CDH12: variants seen among roughly 807,000 people sequenced by gnomAD.
CDH12 encodes cadherin 12.
In CDH12, 41 loss-of-function variants were observed where a neutral mutation model predicts 74.1. That is an observed-to-expected ratio of 0.55 (90% CI 0.43 to 0.72). The LOEUF (loss-of-function observed/expected upper bound fraction) is 0.72, where lower values mean the gene tolerates loss of function less well. Among genes scored for constraint, CDH12 ranks in the 30% least tolerant of loss-of-function variants. The pLI is 0.00. For synonymous variants in CDH12, 399 were observed against 355.0 expected (o/e 1.12, Z -1.39); for missense variants, 945 against 977.2 (o/e 0.97, Z 0.44).
At chr5:22,448,588 G>A (rs1251973584) in intron 2 of CDH12, among the ~76,000 whole-genome samples, 1 of 152,034 alleles carries the variant, frequency 6.6e-6, no homozygotes, top group Non-Finnish European at 1.5e-5. Flanking sequence ...TTCCCTGAAT[G>A]CTTACACTAA....
chr5:21,921,242 A>T lies in CDH12; in HGVS notation c.526+53849T>A, dbSNP rs114675833. On this transcript the variant is annotated intron_variant, in intron 6 of 14. Coordinates refer to ENST00000382254, the MANE Select transcript of CDH12 (RefSeq NM_004061.5). ...ATGGCTATGAGTGGCATGATCCTAA[A>T]TTTTTTTAAGCCTTAAAATCATAAA... is the stretch of plus-strand genomic sequence containing the variant. Among the ~76,000 whole-genome samples, 805 of 152,204 alleles carry T rather than the reference A, an allele frequency of 5.3e-3. 8 individuals are homozygous for T. The highest frequency in any genetic ancestry group is 0.018 in the African/African-American group (760 of 41,536).
At chr5:22,836,217 C>T (rs56352225) in intron 1 of CDH12, among the ~76,000 whole-genome samples, 237 of 20,264 alleles carry the variant, frequency 0.012, no homozygotes, top group Non-Finnish European at 0.016. Context: ...TTTTTTCTTT[C>T]TTTCTCTTTT....
At chr5:22,045,666 T>C (rs1448395832) in intron 5 of CDH12, among the ~76,000 whole-genome samples, 1 of 150,790 alleles carries the variant, frequency 6.6e-6, no homozygotes, top group African/African-American at 2.4e-5. Context: ...TGGAGGGCAT[T>C]ATGTTAGGTG....
intron 3 of CDH12, among the ~76,000 whole-genome samples, chr5:22,267,158 T>C (rs1430865562): frequency 1.3e-5 from 2 of 152,172 alleles, no homozygotes; most frequent in African/African-American, 4.8e-5. Context: ...TATTAATGCA[T>C]GATTATCGTA....
intron 1 of CDH12, among the ~76,000 whole-genome samples, chr5:22,726,841 T>C (rs968343862): frequency 6.6e-6 from 1 of 151,766 alleles, no homozygotes; most frequent in Non-Finnish European, 1.5e-5. Flanking sequence ...ACAGGACCTA[T>C]AGTGATTGCT....
rs530683795 is a variant in CDH12 at position 22,523,560 on chromosome 5, G to A, written c.-522-18196C>T. 2.0e-4 allele frequency among the ~76,000 whole-genome samples: 30 copies of A among 152,222 alleles called. No individual in the cohort carries two copies. The South Asian group carries it at 4.1e-3, about 21-fold the overall frequency. On this transcript the variant is annotated intron_variant, in intron 1 of 14. Transcript: ENST00000382254. Reference sequence around the variant, plus strand: ...ATATTTCAGGTTCCACGTGTACACCGTTATTTATAGTCAGTGTCCTTTTTC... The same window carrying A: ...ATATTTCAGGTTCCACGTGTACACCATTATTTATAGTCAGTGTCCTTTTTC...
At chr5:22,344,512 G>A (rs1372813555) in intron 3 of CDH12, among the ~76,000 whole-genome samples, 1 of 152,038 alleles carries the variant, frequency 6.6e-6, no homozygotes, top group Non-Finnish European at 1.5e-5. Context: ...TTTGGGATTT[G>A]AAAGAAGCAT....
intron 3 of CDH12, among the ~76,000 whole-genome samples, chr5:22,344,968 A>G (rs2150458820): frequency 6.6e-6 from 1 of 152,304 alleles, no homozygotes; most frequent in East Asian, 1.9e-4. Context: ...CCCTTTTACT[A>G]AGATTTTTCC....
intron 2 of CDH12, among the ~76,000 whole-genome samples, chr5:22,407,661 A>C (rs1742998009): frequency 6.6e-6 from 1 of 152,092 alleles, no homozygotes; most frequent in African/African-American, 2.4e-5. Context: ...CTACCTGCAT[A>C]ATGAGTTTAG....
chr5:22,255,390 C>A (rs936716046), intron 3 of CDH12, among the ~76,000 whole-genome samples: 3 of 151,464 alleles, frequency 2.0e-5, no homozygotes, highest in Non-Finnish European at 4.4e-5. Flanking sequence ...TTATAGATAG[C>A]ATTTAACTTT....
intron 1 of CDH12, among the ~76,000 whole-genome samples, chr5:22,533,404 A>G (rs1322433979): frequency 6.6e-6 from 1 of 152,212 alleles, no homozygotes. Flanking sequence ...GTATAAAAAA[A>G]TTCTCTGTAG....
intron 1 of CDH12, among the ~76,000 whole-genome samples, chr5:22,705,666 G>A (rs959332643): frequency 2.6e-5 from 4 of 151,652 alleles, no homozygotes; most frequent in African/African-American, 4.8e-5. Flanking sequence ...TAAATGGTGT[G>A]GCTAAAAAAT....
intron 12 of CDH12, among the ~76,000 whole-genome samples, chr5:21,764,473 C>A (rs1442830133): frequency 6.6e-6 from 1 of 151,034 alleles, no homozygotes; most frequent in East Asian, 1.9e-4. Flanking sequence ...CATGGAGACA[C>A]CCCATCTCTA....
intron 6 of CDH12, among the ~76,000 whole-genome samples, chr5:21,885,872 AG>A (rs1448776549): frequency 6.6e-6 from 1 of 152,156 alleles, no homozygotes; most frequent in Non-Finnish European, 1.5e-5. Flanking sequence ...CTGCTTTATT[AG>A]ATGGGTACCT....
intron 1 of CDH12, among the ~76,000 whole-genome samples, chr5:22,753,265 GT>G (rs1340041952): frequency 6.6e-6 from 1 of 151,818 alleles, no homozygotes; most frequent in African/African-American, 2.4e-5. Flanking sequence ...GATGAACCCT[GT>G]CTCTATTAAA....
At chr5:22,785,197 C>T (rs1290333984) in intron 1 of CDH12, among the ~76,000 whole-genome samples, 12 of 152,052 alleles carry the variant, frequency 7.9e-5, no homozygotes, top group Admixed American at 7.9e-4. Flanking sequence ...AACCTTTTTT[C>T]TTGCTTCAGG....
intron 5 of CDH12, among the ~76,000 whole-genome samples, chr5:22,072,492 C>T (rs1296189254): frequency 6.6e-6 from 1 of 151,606 alleles, no homozygotes; most frequent in East Asian, 1.9e-4. Context: ...TGGACGGAGT[C>T]ATAGACATTT....
At chr5:21,866,576 G>T (rs560210143) in intron 6 of CDH12, among the ~76,000 whole-genome samples, 2 of 152,204 alleles carry the variant, frequency 1.3e-5, no homozygotes, top group East Asian at 3.9e-4. Context: ...ATGATTTAGG[G>T]TACTTGGTGG....
At chr5:22,644,345 C>T (rs1299761079) in intron 1 of CDH12, among the ~76,000 whole-genome samples, 1 of 151,904 alleles carries the variant, frequency 6.6e-6, no homozygotes, top group African/African-American at 2.4e-5. Context: ...AATAAGAATG[C>T]AAAACAGCCT....
Sources: gnomAD v4.1 joint callset for allele counts (sites outside exome capture counted in the v4.1 genomes callset) on GRCh38, gnomAD v4.1.1 for gene constraint, MANE v1.5 for transcripts, NCBI Gene and HGNC (gene_info 2026-07-23, HGNC 2026-07-21) for gene names.